H3C8: variants seen among roughly 807,000 people sequenced by gnomAD.
The protein encoded by H3C8 is histone H3.1.
Under a neutral mutation model 7.9 loss-of-function variants are expected in H3C8, and 15 were observed. The observed-to-expected ratio is 1.90, with a 90% confidence interval of 1.27 to 2.93. The LOEUF (loss-of-function observed/expected upper bound fraction) is 2.93, where lower values mean the gene tolerates loss of function less well. H3C8 is among the 30% of genes most tolerant of loss of function. The probability of loss-of-function intolerance (pLI) is 0.00; values close to 1 mark genes in which losing one functional copy is unlikely to be tolerated. For synonymous variants in H3C8, 143 were observed against 77.6 expected (o/e 1.84, Z -4.43); for missense variants, 230 against 190.4 (o/e 1.21, Z -1.23).
rs755274030 is a variant in H3C8 at position 26,271,041 on chromosome 6, G to C, written c.344C>G (p.Ala115Gly). ...CTTGGGCATGATAGTCACTCGCTTA[G>C]CATGGATGGCACACAGGTTGGTATC... ...FEDTNLCAIHAKRVTIMPKDI... is the reference protein window; with the variant it reads ...FEDTNLCAIHGKRVTIMPKDI... Residue 115 changes from alanine to glycine, a missense_variant, in exon 1 of 1, where the codon GCT becomes GGT. By Grantham distance (60) the Ala-to-Gly change is moderately conservative (BLOSUM62 0). Coordinates refer to ENST00000614378, the MANE Select transcript of H3C8 (RefSeq NM_003534.3). 6.2e-7 allele frequency: 1 copy of C among 1,614,242 alleles called. No individual in the cohort carries two copies. Among genetic ancestry groups the C allele is most frequent in the Non-Finnish European group, 8.5e-7 (1 of 1,180,040 alleles).
chr6:26,271,006 G>GA lies in H3C8; in HGVS notation c.378_379insT (p.Leu127SerfsTer17). 6.2e-7 allele frequency: 1 copy of GA among 1,614,208 alleles called. No homozygotes were observed. Among genetic ancestry groups the GA allele is most frequent in the Non-Finnish European group, 8.5e-7 (1 of 1,180,036 alleles). ...CTCTCCCCACGAATGCGGCGAGCGA[G>GA]CTGAATGTCCTTGGGCATGATAGTC... On this transcript the variant is annotated frameshift_variant, in exon 1 of 1. Coordinates refer to ENST00000614378, the MANE Select transcript of H3C8 (RefSeq NM_003534.3). LOFTEE classifies it high-confidence loss of function.
rs1318447365 is a variant in H3C8, at chr6:26,271,036, G to A, written c.349C>T (p.Arg117Ter). The A allele has an allele frequency of 6.2e-7, 1 of 1,614,216 alleles. No homozygotes were observed. The highest frequency in any genetic ancestry group is 8.5e-7 in the Non-Finnish European group (1 of 1,180,032). The change falls in exon 1 of 1, where the codon CGA (arginine) becomes TGA (stop). Residue 117 changes from arginine to a stop codon, truncating the protein, a stop_gained. Transcript: ENST00000614378. LOFTEE classifies it high-confidence loss of function. ...ATGTCCTTGGGCATGATAGTCACTC[G>A]CTTAGCATGGATGGCACACAGGTTG... ...DTNLCAIHAK[R>*]VTIMPKDIQL...
rs765793051 is a variant in H3C8, at chr6:26,271,376, G to A, written c.9C>T (p.Arg3=). The change falls in exon 1 of 1, where the codon CGC becomes CGT. Residue 3 remains arginine (R), a synonymous_variant. Coordinates refer to ENST00000614378, the MANE Select transcript of H3C8 (RefSeq NM_003534.3). ...TGGACTTGCGTGCAGTCTGCTTGGT[G>A]CGGGCCATCTCAGACTACCTGAAAG... MA[R]TKQTARKSTG... is the part of the protein sequence containing the mutation. 9 of 1,611,612 alleles carry A rather than the reference G, an allele frequency of 5.6e-6. No individual in the cohort carries two copies. In the South Asian group the frequency reaches 6.6e-5, roughly 12 times the overall value.
rs1760439660 is a variant in H3C8 at position 26,270,993 on chromosome 6, A to G, written c.392T>C (p.Ile131Thr). ...AAACCTCTACGCTCTCTCCCCACGA[A>G]TGCGGCGAGCGAGCTGAATGTCCTT... ...MPKDIQLARR[I>T]RGERA Residue 131 changes from isoleucine (I) to threonine (T), a missense_variant, in exon 1 of 1, where the codon ATT (isoleucine) becomes ACT (threonine). Transcript: ENST00000614378. The G allele has an allele frequency of 7.4e-6, 12 of 1,614,110 alleles. No homozygotes were observed. Among genetic ancestry groups the G allele is most frequent in the African/African-American group, 1.3e-5 (1 of 74,940 alleles).
chr6:26,270,943 T>A lies in H3C8; in HGVS notation c.*31A>T, dbSNP rs1414810612. On this transcript the variant is annotated 3_prime_UTR_variant, in exon 1 of 1. Coordinates refer to ENST00000614378, the MANE Select transcript of H3C8 (RefSeq NM_003534.3). Reference sequence around the variant, plus strand: ...TAGGCGGCTCTTAAAAGAGCCTTTTTAAGTTGGATAGAATTACTGCCCGGA... The same window carrying A: ...TAGGCGGCTCTTAAAAGAGCCTTTTAAAGTTGGATAGAATTACTGCCCGGA... 2.5e-6 allele frequency: 4 copies of A among 1,593,998 alleles called. No individual in the cohort carries two copies. Among genetic ancestry groups the A allele is most frequent in the Non-Finnish European group, 2.6e-6 (3 of 1,173,398 alleles).
At position 26,271,091 on chromosome 6, in the gene H3C8, C is replaced by T; in HGVS notation, c.294G>A (p.Glu98=). ...CCTCAAAGAGCCCCACCAAGTAGGC[C>T]TCGCAGGCCTCCTGCAGGGCCATCA... is the stretch of plus-strand genomic sequence containing the variant. ...SAVMALQEAC[E]AYLVGLFEDT... Residue 98 remains glutamate (E), a synonymous_variant, in exon 1 of 1, where the codon GAG becomes GAA. Transcript: ENST00000614378. 7 of 1,614,240 alleles carry T rather than the reference C, an allele frequency of 4.3e-6. No homozygotes were observed. The highest frequency in any genetic ancestry group is 5.9e-6 in the Non-Finnish European group (7 of 1,180,040).
At position 26,271,380 on chromosome 6, in the gene H3C8, G is replaced by A. The variant is rs750087996; in HGVS notation, c.5C>T (p.Ala2Val). 7 of 1,609,246 alleles carry A rather than the reference G, an allele frequency of 4.3e-6. No homozygotes were observed. The highest frequency in any genetic ancestry group is 5.9e-6 in the Non-Finnish European group (7 of 1,178,784). ...CTTGCGTGCAGTCTGCTTGGTGCGG[G>A]CCATCTCAGACTACCTGAAAGAAAA... M[A>V]RTKQTARKST... is the part of the protein sequence containing the mutation. The change falls in exon 1 of 1, where the codon GCC (alanine) becomes GTC (valine). Residue 2 changes from alanine (A) to valine (V), a missense_variant. Transcript: ENST00000614378.
Position 26,271,187 on chromosome 6 carries a change from C to G in H3C8, c.198G>C (p.Leu66Phe), listed in dbSNP as rs1328446528. The change falls in exon 1 of 1, where the codon TTG (leucine) becomes TTC (phenylalanine). Residue 66 changes from leucine to phenylalanine, a missense_variant. Physicochemically the swap from Leu to Phe is conservative, Grantham distance 22. Transcript: ENST00000614378. ...QKSTELLIRKLPFQRLVREIA... is the reference protein window; with the variant it reads ...QKSTELLIRKFPFQRLVREIA... ...TTTCTCGCACCAGGCGTTGGAAAGG[C>G]AACTTGCGGATCAGCAGCTCAGTCG... 1 of 1,614,278 alleles carries G rather than the reference C, an allele frequency of 6.2e-7. No individual in the cohort carries two copies. Among genetic ancestry groups the G allele is most frequent in the South Asian group, 1.1e-5 (1 of 91,092 alleles).
Position 26,271,227 on chromosome 6 carries a change from C to G in H3C8, c.158G>C (p.Arg53Pro). Residue 53 changes from arginine (R) to proline (P), a missense_variant, in exon 1 of 1, where the codon CGC becomes CCC. Transcript: ENST00000614378. ...CAGCTCAGTCGACTTCTGATAGCGG[C>G]GAATCTCGCGCAGAGCCACGGTGCC... ...RPGTVALREI[R>P]RYQKSTELLI... is the part of the protein sequence containing the mutation. The G allele has an allele frequency of 6.2e-7, 1 of 1,614,236 alleles. No homozygotes were observed. Among genetic ancestry groups the G allele is most frequent in the Non-Finnish European group, 8.5e-7 (1 of 1,180,036 alleles).
chr6:26,271,269 G>C lies in H3C8; in HGVS notation c.116C>G (p.Pro39Arg). The change falls in exon 1 of 1, where the codon CCT becomes CGT. Residue 39 changes from proline to arginine, a missense_variant. By Grantham distance (103) the Pro-to-Arg change is moderately radical. Coordinates refer to ENST00000614378, the MANE Select transcript of H3C8 (RefSeq NM_003534.3). ...SAPATGGVKK[P>R]HRYRPGTVAL... The stretch of plus-strand genomic sequence containing the variant: ...CACGGTGCCGGGACGGTAGCGATGA[G>C]GTTTCTTCACGCCGCCGGTGGCCGG... 6.2e-7 allele frequency: 1 copy of C among 1,614,206 alleles called. No individual in the cohort carries two copies. Among genetic ancestry groups the C allele is most frequent in the Non-Finnish European group, 8.5e-7 (1 of 1,180,014 alleles).
chr6:26,271,401 G>C lies in H3C8; in HGVS notation c.-17C>G, dbSNP rs377449596. 3 of 1,592,764 alleles carry C rather than the reference G, an allele frequency of 1.9e-6. No homozygotes were observed. Among genetic ancestry groups the C allele is most frequent in the Admixed American group, 1.9e-5 (1 of 52,048 alleles). ...GCGGGCCATCTCAGACTACCTGAAA[G>C]AAAAACTCAGCCACTTGGCAGAGTG... On this transcript the variant is annotated 5_prime_UTR_variant, in exon 1 of 1. Transcript: ENST00000614378.
At position 26,271,156 on chromosome 6, in the gene H3C8, G is replaced by C; in HGVS notation, c.229C>G (p.Gln77Glu). The C allele has an allele frequency of 6.2e-7, 1 of 1,614,264 alleles. No individual in the cohort carries two copies. The highest frequency in any genetic ancestry group is 8.5e-7 in the Non-Finnish European group (1 of 1,180,050). ...PFQRLVREIA[Q>E]DFKTDLRFQS... ...AAGCGCAGATCTGTCTTGAAGTCCT[G>C]AGCGATTTCTCGCACCAGGCGTTGG... Residue 77 changes from glutamine to glutamate, a missense_variant, in exon 1 of 1, where the codon CAG becomes GAG. By Grantham distance (29) the Gln-to-Glu change is conservative. Coordinates refer to ENST00000614378, the MANE Select transcript of H3C8 (RefSeq NM_003534.3).
Position 26,271,280 on chromosome 6 carries a change from G to C in H3C8, c.105C>G (p.Gly35=). ...GACGGTAGCGATGAGGTTTCTTCACGCCGCCGGTGGCCGGCGCGCTTTTCC... is the reference window on the plus strand; with the variant it reads ...GACGGTAGCGATGAGGTTTCTTCACCCCGCCGGTGGCCGGCGCGCTTTTCC... ...AARKSAPATG[G]VKKPHRYRPG... is the part of the protein sequence containing the mutation. Residue 35 remains glycine, a synonymous_variant, in exon 1 of 1, where the codon GGC becomes GGG. Transcript: ENST00000614378. 1.2e-6 allele frequency: 2 copies of C among 1,614,000 alleles called. No individual in the cohort carries two copies. Among genetic ancestry groups the C allele is most frequent in the Non-Finnish European group, 1.7e-6 (2 of 1,179,954 alleles).
In H3C8 at chr6:26,271,058, G is replaced by A. The variant is rs1452496070; in HGVS notation, c.327C>T (p.Asn109=). 1 of 1,614,222 alleles carries A rather than the reference G, an allele frequency of 6.2e-7. No individual in the cohort carries two copies. The highest frequency in any genetic ancestry group is 1.7e-5 in the Admixed American group (1 of 60,030). Residue 109 remains asparagine, a synonymous_variant, in exon 1 of 1, where the codon AAC becomes AAT. Transcript: ENST00000614378. The part of the protein sequence containing the change: ...AYLVGLFEDT[N]LCAIHAKRVT... ...CTCGCTTAGCATGGATGGCACACAGGTTGGTATCCTCAAAGAGCCCCACCA... is the reference window on the plus strand; with the variant it reads ...CTCGCTTAGCATGGATGGCACACAGATTGGTATCCTCAAAGAGCCCCACCA...
At position 26,271,003 on chromosome 6, in the gene H3C8, C is replaced by T. The variant is rs773705643; in HGVS notation, c.382G>A (p.Ala128Thr). 1 of 1,614,174 alleles carries T rather than the reference C, an allele frequency of 6.2e-7. No individual in the cohort carries two copies. The highest frequency in any genetic ancestry group is 8.5e-7 in the Non-Finnish European group (1 of 1,180,002). The change falls in exon 1 of 1, where the codon GCT becomes ACT. Residue 128 changes from alanine (A) to threonine (T), a missense_variant. Coordinates refer to ENST00000614378, the MANE Select transcript of H3C8 (RefSeq NM_003534.3). ...GCTCTCTCCCCACGAATGCGGCGAG[C>T]GAGCTGAATGTCCTTGGGCATGATA... ...VTIMPKDIQL[A>T]RRIRGERA
Position 26,271,020 on chromosome 6 carries a change from G to A in H3C8, c.365C>T (p.Pro122Leu), listed in dbSNP as rs1455019791. The A allele has an allele frequency of 5.6e-6, 9 of 1,614,084 alleles. No individual in the cohort carries two copies. The highest frequency in any genetic ancestry group is 8.5e-7 in the Non-Finnish European group (1 of 1,180,038). ...GCGGCGAGCGAGCTGAATGTCCTTGGGCATGATAGTCACTCGCTTAGCATG... is the reference window on the plus strand; with the variant it reads ...GCGGCGAGCGAGCTGAATGTCCTTGAGCATGATAGTCACTCGCTTAGCATG... ...AIHAKRVTIM[P>L]KDIQLARRIR... Residue 122 changes from proline to leucine, a missense_variant, in exon 1 of 1, where the codon CCC (proline) becomes CTC (leucine). By Grantham distance (98) the Pro-to-Leu change is moderately conservative. Coordinates refer to ENST00000614378, the MANE Select transcript of H3C8 (RefSeq NM_003534.3).
In H3C8 at chr6:26,271,042, C is replaced by T. The variant is rs1238067230; in HGVS notation, c.343G>A (p.Ala115Thr). 1 of 1,614,242 alleles carries T rather than the reference C, an allele frequency of 6.2e-7. No individual in the cohort carries two copies. Among genetic ancestry groups the T allele is most frequent in the Non-Finnish European group, 8.5e-7 (1 of 1,180,040 alleles). Reference protein sequence around the residue: ...FEDTNLCAIHAKRVTIMPKDI... With the variant: ...FEDTNLCAIHTKRVTIMPKDI... ...TTGGGCATGATAGTCACTCGCTTAG[C>T]ATGGATGGCACACAGGTTGGTATCC... Residue 115 changes from alanine to threonine, a missense_variant, in exon 1 of 1, where the codon GCT becomes ACT. By Grantham distance (58) the Ala-to-Thr change is moderately conservative. Coordinates refer to ENST00000614378, the MANE Select transcript of H3C8 (RefSeq NM_003534.3).
In H3C8 at chr6:26,271,027, T is replaced by C. The variant is rs756096962; in HGVS notation, c.358A>G (p.Ile120Val). 11 of 1,613,992 alleles carry C rather than the reference T, an allele frequency of 6.8e-6. No homozygotes were observed. The African/African-American group carries it at 8.0e-5, about 12-fold the overall frequency. Residue 120 changes from isoleucine (I) to valine (V), a missense_variant, in exon 1 of 1, where the codon ATC becomes GTC. By Grantham distance (29) the Ile-to-Val change is conservative. Transcript: ENST00000614378. ...GCGAGCTGAATGTCCTTGGGCATGA[T>C]AGTCACTCGCTTAGCATGGATGGCA... ...LCAIHAKRVT[I>V]MPKDIQLARR...
In H3C8 at chr6:26,271,228, G is replaced by A. The variant is rs1325544768; in HGVS notation, c.157C>T (p.Arg53Cys). The A allele has an allele frequency of 1.2e-6, 2 of 1,614,268 alleles. No individual in the cohort carries two copies. The highest frequency in any genetic ancestry group is 1.7e-6 in the Non-Finnish European group (2 of 1,180,042). The change falls in exon 1 of 1, where the codon CGC becomes TGC. Residue 53 changes from arginine to cysteine, a missense_variant. By Grantham distance (180) the Arg-to-Cys change is radical (BLOSUM62 -3). Coordinates refer to ENST00000614378, the MANE Select transcript of H3C8 (RefSeq NM_003534.3). ...RPGTVALREI[R>C]RYQKSTELLI... The stretch of plus-strand genomic sequence containing the variant: ...AGCTCAGTCGACTTCTGATAGCGGC[G>A]AATCTCGCGCAGAGCCACGGTGCCG...
Sources: allele counts gnomAD v4.1 joint callset, GRCh38; gene constraint gnomAD v4.1.1; transcripts MANE v1.5; gene names NCBI Gene and HGNC (gene_info 2026-07-23, HGNC 2026-07-21).